Variants in ZNF780A observed in about 807,000 individuals in gnomAD.
ZNF780A encodes zinc finger protein 780A.
In ZNF780A, 40 loss-of-function variants were observed where a neutral mutation model predicts 56.7. That is an observed-to-expected ratio of 0.71 (90% CI 0.55 to 0.92). The LOEUF (loss-of-function observed/expected upper bound fraction) is 0.92. ZNF780A is among the 40% of genes least tolerant of loss of function. The probability of loss-of-function intolerance (pLI) is 0.00; values close to 1 mark genes in which losing one functional copy is unlikely to be tolerated. For synonymous variants in ZNF780A, 231 were observed against 248.3 expected (o/e 0.93, Z 0.66); for missense variants, 672 against 783.3 (o/e 0.86, Z 1.70).
At chr19:40,089,157 C>T (rs892205927) in intron 2 of ZNF780A, 3 of 1,120,446 alleles carry the variant, frequency 2.7e-6, no homozygotes, top group East Asian at 2.9e-5. Flanking sequence ...TTGAAAAATG[C>T]TAGGAGGGTG....
chr19:40,070,212 A>AAC (rs1973771995), downstream of ZNF780A: 1 of 152,244 alleles, frequency 6.6e-6, no homozygotes, highest in Non-Finnish European at 1.5e-5. Context: ...ATAACAGACC[A>AAC]GTTAGATATA....
intron 2 of ZNF780A, among the ~76,000 whole-genome samples, chr19:40,088,915 A>G (rs1974968638): frequency 6.6e-6 from 1 of 152,190 alleles, no homozygotes; most frequent in South Asian, 2.1e-4. Flanking sequence ...CAAGCACAGA[A>G]AGACATATGA....
Position 40,075,637 on chromosome 19 carries a change from T to G in ZNF780A, c.805A>C (p.Ser269Arg), listed in dbSNP as rs1167989318. The G allele has an allele frequency of 2.5e-6, 4 of 1,613,766 alleles. No homozygotes were observed. Among genetic ancestry groups the G allele is most frequent in the Admixed American group, 1.7e-5 (1 of 59,972 alleles). The change falls in exon 6 of 6, where the codon AGT becomes CGT. Residue 269 changes from serine (S) to arginine (R), a missense_variant. Ser to Arg is a moderately radical substitution (Grantham distance 110). Coordinates refer to ENST00000683561, the MANE Select transcript of ZNF780A (RefSeq NM_001142578.2). The part of the protein sequence containing the change: ...NRSSNLVQHQ[S>R]IHSGVKPYEC... ...TATGGTTTTACACCAGAATGAATAC[T>G]CTGATGTTGAACAAGGTTTGAGCTA...
chr19:40,075,849 C>T lies in ZNF780A; in HGVS notation c.593G>A (p.Cys198Tyr). The change falls in exon 6 of 6, where the codon TGT becomes TAT. Residue 198 changes from cysteine (C) to tyrosine (Y), a missense_variant. Transcript: ENST00000683561. ...TGEKPFECKE[C>Y]GKAFRLHIQF... ...TATGTGAAGTCGAAAGGCTTTCCCA[C>T]ACTCCTTACATTCAAAGGGTTTCTC... 6.2e-7 allele frequency: 1 copy of T among 1,614,060 alleles called. No individual in the cohort carries two copies. The highest frequency in any genetic ancestry group is 8.5e-7 in the Non-Finnish European group (1 of 1,179,964).
rs749259153 is a variant in ZNF780A at position 40,084,807 on chromosome 19, C to T, written c.-45-9G>A. ...TTCCTCGGGCTTCTCCCCTGGAAAA[C>T]AACAACAACAAAAAGGCCACAATTA... is the stretch of plus-strand genomic sequence containing the variant. On this transcript the variant is annotated splice_polypyrimidine_tract_variant and intron_variant, in intron 2 of 5. Transcript: ENST00000683561. The T allele has an allele frequency of 1.9e-5, 30 of 1,549,466 alleles. No homozygotes were observed. Among genetic ancestry groups the T allele is most frequent in the Admixed American group, 1.8e-4 (9 of 50,952 alleles).
At position 40,088,317 on chromosome 19, in the gene ZNF780A, C is replaced by CA. The variant is rs200066032; in HGVS notation, c.-46+1848dup. On this transcript the variant is annotated intron_variant, in intron 2 of 5. Transcript: ENST00000683561. ...ATGCAGAAGTCAAACAACTCAACAG[C>CA]AAAAAAAAACCTGATTAAAAGATGG... is the stretch of plus-strand genomic sequence containing the variant. Among the ~76,000 whole-genome samples the CA allele has an allele frequency of 4.2e-3, 629 of 149,356 alleles. 3 individuals are homozygous for CA. Among genetic ancestry groups the CA allele is most frequent in the African/African-American group, 0.015 (599 of 40,766 alleles).
intron 5 of ZNF780A, 134 bp from the exon 6 acceptor site, chr19:40,076,343 G>T: frequency 1.1e-6 from 1 of 889,696 alleles, no homozygotes; most frequent in Non-Finnish European, 1.6e-6. Context: ...AACCAACAAA[G>T]TTGGTAGATA....
chr19:40,074,147 G>C lies in ZNF780A; in HGVS notation c.*369C>G, dbSNP rs1973943428. 1 of 1,346,838 alleles carries C rather than the reference G, an allele frequency of 7.4e-7. No individual in the cohort carries two copies. The allele number at this position is 1,346,838 out of a possible 1,614,324, so 83.4% of individuals were successfully genotyped here. A position where few individuals can be genotyped will look rare whatever the true frequency, so the allele number is the denominator to read the frequency against. On this transcript the variant is annotated 3_prime_UTR_variant, in exon 6 of 6. Transcript: ENST00000683561. ...TACTCTGATGTTGAACAAGGTTTGA[G>C]CCACTATTGAAGGCCTTCCCACATT...
At position 40,088,162 on chromosome 19, in the gene ZNF780A, AT is replaced by A. The variant is rs564197105; in HGVS notation, c.-46+2003del. ...AGGTAACAAAAGCAAAAATGAACGAATGAAATTATGTCAAGCTAAAAAGCTT... is the reference window on the plus strand; with the variant it reads ...AGGTAACAAAAGCAAAAATGAACGAAGAAATTATGTCAAGCTAAAAAGCTT... On this transcript the variant is annotated intron_variant, in intron 2 of 5. Transcript: ENST00000683561. 1.2e-4 allele frequency among the ~76,000 whole-genome samples: 18 copies of A among 152,332 alleles called. 1 individual carries two copies. In the South Asian group the frequency reaches 3.5e-3, roughly 30 times the overall value.
intron 5 of ZNF780A, among the ~76,000 whole-genome samples, chr19:40,076,914 T>C (rs1162387545): frequency 6.6e-6 from 1 of 152,092 alleles, no homozygotes; most frequent in Non-Finnish European, 1.5e-5. Flanking sequence ...ACCCAGCCCA[T>C]CATAGTCACC....
In ZNF780A at chr19:40,075,586, A is replaced by C; in HGVS notation, c.856T>G (p.Phe286Val). The C allele has an allele frequency of 6.2e-7, 1 of 1,613,778 alleles. No individual in the cohort carries two copies. The highest frequency in any genetic ancestry group is 8.5e-7 in the Non-Finnish European group (1 of 1,179,954). The change falls in exon 6 of 6, where the codon TTT becomes GTT. Residue 286 changes from phenylalanine to valine, a missense_variant. Transcript: ENST00000683561. Reference sequence around the variant, plus strand: ...TGAATAAGGTGTGCACCACGATTAAAGCCTTTCCCACACTCCTTACATTCA... The same window carrying C: ...TGAATAAGGTGTGCACCACGATTAACGCCTTTCCCACACTCCTTACATTCA... ...PYECKECGKG[F>V]NRGAHLIQHQ...
intron 3 of ZNF780A, among the ~76,000 whole-genome samples, chr19:40,083,804 A>G (rs907323931): frequency 6.6e-6 from 1 of 152,202 alleles, no homozygotes; most frequent in African/African-American, 2.4e-5. Flanking sequence ...ATTAAAGTCA[A>G]TAGAACTCAC....
rs771735686 is a variant in ZNF780A, at chr19:40,084,674, G to C, written c.9+71C>G. On this transcript the variant is annotated intron_variant, in intron 3 of 5. Coordinates refer to ENST00000683561, the MANE Select transcript of ZNF780A (RefSeq NM_001142578.2). The stretch of plus-strand genomic sequence containing the variant: ...CGTGAATTCTAGGTACGAAGCTTCA[G>C]GTTAAATAATAACAGTCACCTAACC... 3.4e-6 allele frequency: 5 copies of C among 1,474,378 alleles called. No homozygotes were observed. In the Admixed American group the frequency reaches 1.0e-4, roughly 30 times the overall value. The allele number at this position is 1,474,378 out of a possible 1,614,324, so 91.3% of individuals were successfully genotyped here.
chr19:40,085,846 C>T (rs1974761758), intron 2 of ZNF780A, among the ~76,000 whole-genome samples: 1 of 152,070 alleles, frequency 6.6e-6, no homozygotes, highest in African/African-American at 2.4e-5. Flanking sequence ...TGCCACTGCA[C>T]TCCAGCCTGG....
chr19:40,071,033 G>A (rs1221083348), downstream of ZNF780A: 1 of 152,088 alleles, frequency 6.6e-6, no homozygotes, highest in Non-Finnish European at 1.5e-5. Flanking sequence ...TAAGATCACT[G>A]CATTAACAAA....
Position 40,073,317 on chromosome 19 carries a change from CA to C in ZNF780A, c.*1198del. 3.9e-6 allele frequency: 1 copy of C among 254,868 alleles called. No homozygotes were observed. Among genetic ancestry groups the C allele is most frequent in the Non-Finnish European group, 6.4e-6 (1 of 156,714 alleles). 15.8% of individuals were successfully genotyped at this position (254,868 alleles called of 1,614,324 possible). A position where few individuals can be genotyped will look rare whatever the true frequency, so the allele number is the denominator to read the frequency against. ...CCCAAAGCAATTACAATAGCAACATCAAAAATCACTGGTCATTGATCACCAT... is the reference window on the plus strand; with the variant it reads ...CCCAAAGCAATTACAATAGCAACATCAAAATCACTGGTCATTGATCACCAT... On this transcript the variant is annotated 3_prime_UTR_variant, in exon 6 of 6. Transcript: ENST00000683561.
At chr19:40,072,979 T>C (rs767891334), downstream of ZNF780A, 29 of 1,539,646 alleles carry the variant, frequency 1.9e-5, no homozygotes, top group Non-Finnish European at 2.5e-5. Context: ...AATGAAGAAA[T>C]CTGAAAATGG....
chr19:40,085,137 G>A, intron 2 of ZNF780A: 1 of 985,014 alleles, frequency 1.0e-6, no homozygotes, highest in Non-Finnish European at 1.2e-6. Context: ...CTCTGATCCT[G>A]CCCTTAGCAG....
chr19:40,081,747 G>T, intron 5 of ZNF780A, 72 bp downstream of exon 5: 1 of 1,310,620 alleles, frequency 7.6e-7, no homozygotes, highest in Non-Finnish European at 1.1e-6. Flanking sequence ...CACATCTCAA[G>T]TGTATGACTC....
Sources: allele counts gnomAD v4.1 joint callset (sites outside exome capture counted in the v4.1 genomes callset), GRCh38; gene constraint gnomAD v4.1.1; transcripts MANE v1.5; gene names NCBI Gene and HGNC (gene_info 2026-07-23, HGNC 2026-07-21).